Variants in PEX14 observed in about 807,000 individuals in gnomAD.
PEX14 encodes the protein peroxisomal biogenesis factor 14.
Under a neutral mutation model 49.5 loss-of-function variants are expected in PEX14, and 15 were observed. The ratio of observed to expected loss-of-function variants is 0.30; its 90% CI spans 0.20 to 0.47. PEX14 has a LOEUF of 0.47. Ranked by LOEUF, PEX14 falls within the 20% of genes least tolerant of loss-of-function variation. The probability of loss-of-function intolerance (pLI) is 1.00; values close to 1 mark genes in which losing one functional copy is unlikely to be tolerated. For missense variants in PEX14, 398 were observed against 494.8 expected, an observed-to-expected ratio of 0.80 and a Z score of 1.86; for synonymous variants, 210 against 212.7, an observed-to-expected ratio of 0.99 and a Z score of 0.11.
chr1:10,547,280 G>A (rs1639204012), intron 3 of PEX14, among the ~76,000 whole-genome samples: 2 of 152,216 alleles, frequency 1.3e-5, no homozygotes, highest in Non-Finnish European at 2.9e-5. Context: ...TATCCTGCCT[G>A]CCCATCTGCT....
At chr1:10,614,851 C>T (rs1273318509) in intron 4 of PEX14, among the ~76,000 whole-genome samples, 2 of 152,166 alleles carry the variant, frequency 1.3e-5, no homozygotes, top group African/African-American at 4.8e-5. Context: ...ACTTTTTCCT[C>T]CTGAAAATGG....
intron 2 of PEX14, among the ~76,000 whole-genome samples, chr1:10,507,759 T>C (rs1347428742): frequency 6.6e-6 from 1 of 152,114 alleles, no homozygotes; most frequent in African/African-American, 2.4e-5. Context: ...GTAAAGAAAA[T>C]ACAATATCCA....
chr1:10,630,464 C>G lies in PEX14; in HGVS notation c.*477C>G, dbSNP rs1038518783. ...CCCTCCCTGGGCCCGGCCCTGGACC[C>G]GTCAGGTGCCTGTCCCCAGCCCCAA... On this transcript the variant is annotated 3_prime_UTR_variant, in exon 9 of 9. Transcript: ENST00000356607. This position sits in a 1 kb window ranked among gnomAD's most constrained non-coding sequence, Gnocchi z 4.1. The G allele has an allele frequency of 6.0e-6, 1 of 166,614 alleles. No homozygotes were observed. The highest frequency in any genetic ancestry group is 2.4e-5 in the African/African-American group (1 of 41,086). 10.3% of individuals were successfully genotyped at this position (166,614 alleles called of 1,614,324 possible). A position where few individuals can be genotyped will look rare whatever the true frequency, so the allele number is the denominator to read the frequency against.
At chr1:10,482,674 C>T (rs372064446) in intron 1 of PEX14, among the ~76,000 whole-genome samples, 71 of 152,178 alleles carry the variant, frequency 4.7e-4, no homozygotes, top group African/African-American at 1.5e-3. Context: ...CCTCATGATC[C>T]ACCTGCCTTG....
In PEX14 at chr1:10,597,659, G is replaced by T. The variant is rs368521302; in HGVS notation, c.170-1579G>T. Among the ~76,000 whole-genome samples the T allele has an allele frequency of 6.6e-6, 1 of 152,202 alleles. No homozygotes were observed. The highest frequency in any genetic ancestry group is 1.5e-5 in the Non-Finnish European group (1 of 68,038). ...AGCCCACCAATCTGTTGAGAGCATG[G>T]TGCTATCAGGGCAACCCGGTGGCTC... On this transcript the variant is annotated intron_variant, in intron 3 of 8. Transcript: ENST00000356607. The surrounding 1 kb of genome is among the most constrained non-coding windows in gnomAD (Gnocchi z 5.7).
At chr1:10,622,871 T>G (rs572102689) in intron 5 of PEX14, 148 bp from the exon 6 acceptor site, 4 of 689,410 alleles carry the variant, frequency 5.8e-6, no homozygotes, top group African/African-American at 5.3e-5. Context: ...TCATAACTTT[T>G]TCAAATATCT....
At chr1:10,526,484 G>A (rs1040682771) in intron 2 of PEX14, among the ~76,000 whole-genome samples, 15 of 152,144 alleles carry the variant, frequency 9.9e-5, no homozygotes, top group Non-Finnish European at 5.9e-5. Flanking sequence ...CTCCCAAAGT[G>A]CAATTTGAAG....
chr1:10,480,618 A>G (rs1641267263), intron 1 of PEX14, among the ~76,000 whole-genome samples: 1 of 151,894 alleles, frequency 6.6e-6, no homozygotes, highest in Non-Finnish European at 1.5e-5. Flanking sequence ...CTAGTCTTGA[A>G]TGCTTGACCT....
In PEX14 at chr1:10,629,678, G is replaced by T; in HGVS notation, c.825G>T (p.Ser275=). 6.2e-7 allele frequency: 1 copy of T among 1,613,484 alleles called. No homozygotes were observed. The highest frequency in any genetic ancestry group is 1.1e-5 in the South Asian group (1 of 91,002). The change falls in exon 9 of 9, where the codon TCG becomes TCT. Residue 275 remains serine, a synonymous_variant. Transcript: ENST00000356607. The surrounding 1 kb of genome is among the most constrained non-coding windows in gnomAD (Gnocchi z 8.5). ...SPVSNESTSS[S]PGKEGHSPEG... is the part of the protein sequence containing the mutation. ...TCAGCAACGAGTCCACGTCGTCCTC[G>T]CCTGGGAAGGAGGGCCACAGCCCCG...
intron 2 of PEX14, chr1:10,535,921 A>G (rs1309948240): frequency 2.2e-5 from 9 of 406,690 alleles, no homozygotes; most frequent in South Asian, 1.7e-4. Flanking sequence ...GCCGGGGAGT[A>G]TGAAGAATCA....
intron 5 of PEX14, among the ~76,000 whole-genome samples, chr1:10,618,724 G>C (rs889784931): frequency 6.6e-6 from 1 of 152,216 alleles, no homozygotes; most frequent in Non-Finnish European, 1.5e-5. Flanking sequence ...AGTAGTGCCC[G>C]CACGGGGAAG....
chr1:10,588,829 CAG>C (rs1044945455), intron 3 of PEX14, among the ~76,000 whole-genome samples: 7 of 151,950 alleles, frequency 4.6e-5, no homozygotes, highest in Non-Finnish European at 8.8e-5. Flanking sequence ...TTAAGTGAAA[CAG>C]AGAATGCTCT....
At chr1:10,618,863 G>A (rs1006923440) in intron 5 of PEX14, among the ~76,000 whole-genome samples, 1 of 152,224 alleles carries the variant, frequency 6.6e-6, no homozygotes, top group East Asian at 1.9e-4. Context: ...TCTGTAAAAT[G>A]GGAATAACAG....
intron 2 of PEX14, among the ~76,000 whole-genome samples, chr1:10,496,070 G>T (rs1641554818): frequency 6.6e-6 from 1 of 152,206 alleles, no homozygotes; most frequent in African/African-American, 2.4e-5. Context: ...CTTTGTTTCA[G>T]CAGGGCCTGT....
chr1:10,611,011 G>C (rs112381530), intron 4 of PEX14, among the ~76,000 whole-genome samples: 24 of 152,096 alleles, frequency 1.6e-4, no homozygotes, highest in African/African-American at 5.1e-4. Context: ...ACTTTGGGAT[G>C]TGAGTTGGGT....
chr1:10,620,704 C>T (rs1641563571), intron 5 of PEX14, among the ~76,000 whole-genome samples: 1 of 152,178 alleles, frequency 6.6e-6, no homozygotes, highest in Non-Finnish European at 1.5e-5. Context: ...AGGAGAATCA[C>T]TTGAGCCTGG....
chr1:10,481,284 C>T (rs1641279680), intron 1 of PEX14, among the ~76,000 whole-genome samples: 1 of 151,818 alleles, frequency 6.6e-6, no homozygotes, highest in South Asian at 2.1e-4. Flanking sequence ...ATTACAGGTG[C>T]CCGCCACCAT....
At position 10,536,302 on chromosome 1, in the gene PEX14, A is replaced by G. The variant is rs373538655; in HGVS notation, c.169+5A>G. On this transcript the variant is annotated splice_donor_5th_base_variant and intron_variant, in intron 3 of 8. Coordinates refer to ENST00000356607, the MANE Select transcript of PEX14 (RefSeq NM_004565.3). Reference sequence around the variant, plus strand: ...GAGCATTCCTAAAGAAGAAAGGTACAGGTTCCACAGGGCTGTGCAGCACGG... The same window carrying G: ...GAGCATTCCTAAAGAAGAAAGGTACGGGTTCCACAGGGCTGTGCAGCACGG... 4 of 1,547,136 alleles carry G rather than the reference A, an allele frequency of 2.6e-6. No homozygotes were observed. The highest frequency in any genetic ancestry group is 3.6e-6 in the Non-Finnish European group (4 of 1,118,330).
chr1:10,599,310 G>A lies in PEX14; in HGVS notation c.242G>A (p.Gly81Asp). ...GTAADEPSSL[G>D]PATQVVPVQP... ...GCTGCCGATGAGCCTTCGTCCTTGGGCCCAGCCACACAGGTGGTTCCTGTC... is the reference window on the plus strand; with the variant it reads ...GCTGCCGATGAGCCTTCGTCCTTGGACCCAGCCACACAGGTGGTTCCTGTC... Residue 81 changes from glycine to aspartate, a missense_variant, in exon 4 of 9, where the codon GGC becomes GAC. Coordinates refer to ENST00000356607, the MANE Select transcript of PEX14 (RefSeq NM_004565.3). 1.2e-6 allele frequency: 2 copies of A among 1,614,070 alleles called. No individual in the cohort carries two copies. The highest frequency in any genetic ancestry group is 1.7e-6 in the Non-Finnish European group (2 of 1,179,994).
Sources: gnomAD v4.1 joint callset for allele counts (sites outside exome capture counted in the v4.1 genomes callset) on GRCh38, gnomAD v4.1.1 for gene constraint, Gnocchi (gnomAD v3.1) non-coding constraint, MANE v1.5 for transcripts, NCBI Gene and HGNC (gene_info 2026-07-23, HGNC 2026-07-21) for gene names.